Variants in RGS17 observed in about 807,000 individuals in gnomAD.
RGS17 encodes the protein regulator of G protein signaling 17, also known as regulator of G-protein signaling 17.
In RGS17, 12 loss-of-function variants were observed where a neutral mutation model predicts 25.5. The observed-to-expected ratio is 0.47, with a 90% CI of 0.30 to 0.76. The LOEUF is 0.76. Ranked by LOEUF, RGS17 falls within the 30% of genes least tolerant of loss-of-function variation. RGS17 has a pLI of 0.07. For missense variants in RGS17, 196 were observed against 242.2 expected, an observed-to-expected ratio of 0.81 and a Z score of 1.27; for synonymous variants, 71 against 76.9, an observed-to-expected ratio of 0.92 and a Z score of 0.40.
chr6:153,053,017 C>T (rs1027430044), intron 1 of RGS17, among the ~76,000 whole-genome samples: 1 of 134,772 alleles, frequency 7.4e-6, no homozygotes, highest in African/African-American at 3.0e-5. Flanking sequence ...CATACTGGCA[C>T]CTTGATCTCA....
At chr6:153,014,969 T>C (rs1353021370) in intron 4 of RGS17, among the ~76,000 whole-genome samples, 1 of 152,142 alleles carries the variant, frequency 6.6e-6, no homozygotes, top group Non-Finnish European at 1.5e-5. Context: ...TTAACAGGAA[T>C]TTAGAAAAAG....
chr6:153,041,567 T>G (rs986497090), intron 2 of RGS17, among the ~76,000 whole-genome samples: 3 of 152,208 alleles, frequency 2.0e-5, no homozygotes, highest in Non-Finnish European at 4.4e-5. Flanking sequence ...AGCTAATACA[T>G]ATAGCACAAA....
chr6:153,016,759 G>A (rs1395788221), intron 4 of RGS17, among the ~76,000 whole-genome samples: 4 of 152,156 alleles, frequency 2.6e-5, no homozygotes, highest in Admixed American at 1.3e-4. Flanking sequence ...GAAGTGTAGC[G>A]AGGTCAAATA....
intron 1 of RGS17, among the ~76,000 whole-genome samples, chr6:153,083,102 C>A (rs11155893): frequency 0.52 from 79,072 of 151,684 alleles, 21,023 homozygotes; most frequent in Non-Finnish European, 0.57. Context: ...CCTAGTACTC[C>A]GGAAAGACTC....
intron 4 of RGS17, among the ~76,000 whole-genome samples, chr6:153,020,106 AAAAAAAT>A (rs1162096557): frequency 6.4e-4 from 21 of 32,760 alleles, no homozygotes; most frequent in African/African-American, 2.4e-3. Context: ...ATCTTAAAAA[AAAAAAAT>A]ATATATATAT....
chr6:153,036,590 CAACT>C (rs1776245741), intron 2 of RGS17, among the ~76,000 whole-genome samples: 1 of 152,172 alleles, frequency 6.6e-6, no homozygotes, highest in South Asian at 2.1e-4. Flanking sequence ...TTCATTTATA[CAACT>C]AACTCTTGGA....
chr6:153,123,991 G>A (rs921311587), intron 1 of RGS17, among the ~76,000 whole-genome samples: 1 of 152,154 alleles, frequency 6.6e-6, no homozygotes, highest in Non-Finnish European at 1.5e-5. Flanking sequence ...CTATGGTGGA[G>A]GTTGTTAAAT....
intron 4 of RGS17, among the ~76,000 whole-genome samples, chr6:153,013,289 TAGG>T (rs1404974358): frequency 6.6e-6 from 1 of 152,236 alleles, no homozygotes; most frequent in Non-Finnish European, 1.5e-5. Context: ...GCAATTGTTT[TAGG>T]AGGCCATGAA....
intron 1 of RGS17, among the ~76,000 whole-genome samples, chr6:153,070,677 G>C (rs938346203): frequency 5.3e-5 from 2 of 37,836 alleles, no homozygotes; most frequent in Non-Finnish European, 1.5e-4. Context: ...GGAAGATTGT[G>C]TGTGTGTGTG....
At chr6:153,030,837 C>G (rs116028805) in intron 2 of RGS17, among the ~76,000 whole-genome samples, 1 of 152,128 alleles carries the variant, frequency 6.6e-6, no homozygotes, top group Admixed American at 6.5e-5. Flanking sequence ...GGAGCTCAGA[C>G]GGGTAAATAA....
Position 153,058,165 on chromosome 6 carries a change from C to T in RGS17, c.-25-14122G>A, listed in dbSNP as rs528891016. On this transcript the variant is annotated intron_variant, in intron 1 of 4. Coordinates refer to ENST00000206262, the MANE Select transcript of RGS17 (RefSeq NM_012419.5). ...CAAATCTTTGCAATTACAGTAAGTG[C>T]GCAGTATGTGGTAGCTCTTTCAAGG... Among the ~76,000 whole-genome samples, 29 of 152,250 alleles carry T rather than the reference C, an allele frequency of 1.9e-4. 1 individual carries two copies. Among genetic ancestry groups the T allele is most frequent in the Admixed American group, 8.5e-4 (13 of 15,296 alleles).
In RGS17 at chr6:153,130,481, CAT is replaced by C. The variant is rs1222200040; in HGVS notation, c.-26+641_-26+642del. On this transcript the variant is annotated intron_variant, in intron 1 of 4. Transcript: ENST00000206262. This position sits in a 1 kb window ranked among gnomAD's most constrained non-coding sequence, Gnocchi z 6.4. Reference sequence around the variant, plus strand: ...CCCCCACCCCCTATACATACATACACATACACACACACACACACACACACACA... The same window carrying C: ...CCCCCACCCCCTATACATACATACACACACACACACACACACACACACACA... Among the ~76,000 whole-genome samples, 1 of 114,070 alleles carries C rather than the reference CAT, an allele frequency of 8.8e-6. No homozygotes were observed. Among genetic ancestry groups the C allele is most frequent in the Non-Finnish European group, 1.8e-5 (1 of 54,664 alleles). 74.8% of individuals were successfully genotyped at this position (114,070 alleles called of 152,430 possible).
chr6:153,075,651 A>G (rs1776865760), intron 1 of RGS17, among the ~76,000 whole-genome samples: 2 of 152,188 alleles, frequency 1.3e-5, no homozygotes, highest in South Asian at 2.1e-4. Flanking sequence ...AGTAGAGCCT[A>G]AGAAAACTCC....
At chr6:153,050,594 G>T (rs1776448806) in intron 1 of RGS17, among the ~76,000 whole-genome samples, 1 of 152,044 alleles carries the variant, frequency 6.6e-6, no homozygotes, top group Admixed American at 6.6e-5. Context: ...GAGTACTTGG[G>T]TAAATTAAAA....
intron 1 of RGS17, among the ~76,000 whole-genome samples, chr6:153,088,746 G>A (rs1200831152): frequency 1.3e-5 from 2 of 151,980 alleles, no homozygotes; most frequent in Non-Finnish European, 2.9e-5. Context: ...GGTGACTGTG[G>A]GGTGCAGAGT....
chr6:153,006,461 T>G lies in RGS17; in HGVS notation c.*5113A>C, dbSNP rs1199304820. On this transcript the variant is annotated 3_prime_UTR_variant, in exon 5 of 5. Coordinates refer to ENST00000206262, the MANE Select transcript of RGS17 (RefSeq NM_012419.5). ...TCAATCATCTATCTATCTATGTCATTGAAAGAAACATTTCTATAGATTTGA... is the reference window on the plus strand; with the variant it reads ...TCAATCATCTATCTATCTATGTCATGGAAAGAAACATTTCTATAGATTTGA... 4 of 152,584 alleles carry G rather than the reference T, an allele frequency of 2.6e-5. No individual in the cohort carries two copies. The highest frequency in any genetic ancestry group is 9.7e-5 in the African/African-American group (4 of 41,442). 9.5% of individuals were successfully genotyped at this position (152,584 alleles called of 1,614,324 possible).
At chr6:153,080,839 T>G (rs1048836055) in intron 1 of RGS17, among the ~76,000 whole-genome samples, 2 of 141,496 alleles carry the variant, frequency 1.4e-5, no homozygotes, top group Non-Finnish European at 3.2e-5. Flanking sequence ...ATTTCTCCTG[T>G]TTTTTTTTTA....
In RGS17 at chr6:153,040,864, A is replaced by G. The variant is rs1050682395; in HGVS notation, c.119+3036T>C. Among the ~76,000 whole-genome samples the G allele has an allele frequency of 4.6e-5, 7 of 152,092 alleles. No individual in the cohort carries two copies. In the East Asian group the frequency reaches 5.8e-4, roughly 13 times the overall value. ...ACTTTAACTTTTATCCTTTTAAAAA[A>G]ATTAAGTGGCCAGGCACAGTGGCTC... On this transcript the variant is annotated intron_variant, in intron 2 of 4. Coordinates refer to ENST00000206262, the MANE Select transcript of RGS17 (RefSeq NM_012419.5).
At chr6:153,129,048 T>G (rs1057315738) in intron 1 of RGS17, among the ~76,000 whole-genome samples, 42 of 152,216 alleles carry the variant, frequency 2.8e-4, no homozygotes, top group African/African-American at 9.6e-4. Context: ...GGAGGAAGGA[T>G]GAGTGCCCCT....
Sources: gnomAD v4.1 joint callset for allele counts (sites outside exome capture counted in the v4.1 genomes callset) on GRCh38, gnomAD v4.1.1 for gene constraint, Gnocchi (gnomAD v3.1) non-coding constraint, MANE v1.5 for transcripts, NCBI Gene and HGNC (gene_info 2026-07-23, HGNC 2026-07-21) for gene names.